The following SIRPD variants were observed in gnomAD, a reference collection of about 807,000 sequenced individuals.
The protein encoded by SIRPD is signal regulatory protein delta.
In SIRPD, 21 loss-of-function variants were observed where a neutral mutation model predicts 18.0. That is an observed-to-expected ratio of 1.17 (90% CI 0.83 to 1.68). The LOEUF (loss-of-function observed/expected upper bound fraction) is 1.68, where lower values mean the gene tolerates loss of function less well. Ranked by LOEUF, SIRPD falls within the 40% of genes most tolerant of loss-of-function variation. The pLI is 0.00. For synonymous variants in SIRPD, 106 were observed against 92.9 expected, an observed-to-expected ratio of 1.14 and a Z score of -0.81; for missense variants, 295 against 238.4, an observed-to-expected ratio of 1.24 and a Z score of -1.56.
intron 2 of SIRPD, chr20:1,540,147 A>G: frequency 2.8e-6 from 1 of 352,376 alleles, no homozygotes; most frequent in Non-Finnish European, 5.6e-6. Context: ...AGAGAGATTT[A>G]AAGACACTGG....
intron 2 of SIRPD, among the ~76,000 whole-genome samples, chr20:1,542,489 G>T (rs763916583): frequency 6.6e-6 from 1 of 152,136 alleles, no homozygotes; most frequent in Non-Finnish European, 1.5e-5. Context: ...TATTGATTTT[G>T]TATCCTGAGA....
Position 1,551,774 on chromosome 20 carries a change from C to T in SIRPD, c.338G>A (p.Gly113Asp), listed in dbSNP as rs761235171. Residue 113 changes from glycine (G) to aspartate (D), a missense_variant, in exon 2 of 4, where the codon GGC (glycine) becomes GAC (aspartate). By Grantham distance (94) the Gly-to-Asp change is moderately conservative (BLOSUM62 -1). Transcript: ENST00000381623. ...RIREISLADAGTYYCVKFIKG... is the reference protein window; with the variant it reads ...RIREISLADADTYYCVKFIKG... ...TATGAACTTCACGCAGTAATAGGTG[C>T]CAGCATCAGCAAGAGAGATTTCACG... 3 of 1,614,028 alleles carry T rather than the reference C, an allele frequency of 1.9e-6. No individual in the cohort carries two copies. Among genetic ancestry groups the T allele is most frequent in the Non-Finnish European group, 8.5e-7 (1 of 1,179,966 alleles).
At chr20:1,546,629 A>G (rs1488104705) in intron 2 of SIRPD, among the ~76,000 whole-genome samples, 2 of 152,218 alleles carry the variant, frequency 1.3e-5, no homozygotes, top group African/African-American at 4.8e-5. Flanking sequence ...TGGGTCATAT[A>G]GTAACTTATG....
intron 2 of SIRPD, among the ~76,000 whole-genome samples, chr20:1,544,899 T>C (rs557678829): frequency 1.3e-5 from 2 of 152,216 alleles, no homozygotes; most frequent in Non-Finnish European, 2.9e-5. Flanking sequence ...GATATGAAAT[T>C]CTGGGTTGAA....
intron 1 of SIRPD, among the ~76,000 whole-genome samples, chr20:1,552,688 A>G (rs1808594111): frequency 6.6e-6 from 1 of 152,078 alleles, no homozygotes; most frequent in Non-Finnish European, 1.5e-5. Flanking sequence ...ACCCTCCTAC[A>G]CAGTCATCAT....
rs73569180 is a variant in SIRPD, at chr20:1,552,508, A to G, written c.74-470T>C. 9.1e-3 allele frequency among the ~76,000 whole-genome samples: 1,388 copies of G among 152,240 alleles called. 22 individuals are homozygous for G. The highest frequency in any genetic ancestry group is 0.033 in the African/African-American group (1,354 of 41,526). ...TACAGAAATTCATGCTGAGAGATGC[A>G]CAGAAGAAGTTAAAACAATTAAAGA... On this transcript the variant is annotated intron_variant, in intron 1 of 3. Coordinates refer to ENST00000381623, the MANE Select transcript of SIRPD (RefSeq NM_178460.3).
intron 2 of SIRPD, among the ~76,000 whole-genome samples, chr20:1,543,560 TA>T (rs934741419): frequency 2.6e-5 from 4 of 152,164 alleles, no homozygotes; most frequent in South Asian, 2.1e-4. Context: ...GTTAATGTTT[TA>T]AAAAAAACAG....
In SIRPD at chr20:1,537,393, C is replaced by A. The variant is rs926996651; in HGVS notation, c.422-83G>T. 3.0e-5 allele frequency: 43 copies of A among 1,421,340 alleles called. 1 individual carries two copies. Among genetic ancestry groups the A allele is most frequent in the South Asian group, 1.4e-4 (11 of 78,432 alleles). 88.0% of individuals were successfully genotyped at this position (1,421,340 alleles called of 1,614,324 possible). A position where few individuals can be genotyped will look rare whatever the true frequency, so the allele number is the denominator to read the frequency against. On this transcript the variant is annotated intron_variant, in intron 2 of 3. Coordinates refer to ENST00000381623, the MANE Select transcript of SIRPD (RefSeq NM_178460.3). ...GAGGAAAGGGCTGTAGGATTATGAC[C>A]GTTCCAGTTTCTAGATTGTGAAATA...
intron 2 of SIRPD, among the ~76,000 whole-genome samples, chr20:1,542,788 C>G (rs1046552618): frequency 1.3e-5 from 2 of 152,072 alleles, no homozygotes; most frequent in Admixed American, 6.6e-5. Flanking sequence ...ATAGCTCTTA[C>G]TATTTTGAGC....
intron 1 of SIRPD, among the ~76,000 whole-genome samples, chr20:1,555,791 A>G (rs1363160164): frequency 6.6e-6 from 1 of 152,236 alleles, no homozygotes; most frequent in African/African-American, 2.4e-5. Flanking sequence ...GCTGAATACA[A>G]CACATATTAA....
chr20:1,544,452 TTG>T lies in SIRPD; in HGVS notation c.422-7144_422-7143del, dbSNP rs1350804590. ...TGCAACAACTGCTTTTTTTTTTTTTTTGCTTTCCATTTGCTTGGTAGATCTTC... is the reference window on the plus strand; with the variant it reads ...TGCAACAACTGCTTTTTTTTTTTTTTCTTTCCATTTGCTTGGTAGATCTTC... On this transcript the variant is annotated intron_variant, in intron 2 of 3. Coordinates refer to ENST00000381623, the MANE Select transcript of SIRPD (RefSeq NM_178460.3). Among the ~76,000 whole-genome samples the T allele has an allele frequency of 6.9e-3, 931 of 135,538 alleles. 20 individuals are homozygous for T. Among genetic ancestry groups the T allele is most frequent in the Admixed American group, 0.049 (689 of 13,976 alleles). 88.9% of individuals were successfully genotyped at this position (135,538 alleles called of 152,430 possible). A position where few individuals can be genotyped will look rare whatever the true frequency, so the allele number is the denominator to read the frequency against.
At chr20:1,537,375 G>A in intron 2 of SIRPD, 65 bp from the exon 3 acceptor site, 1 of 1,527,570 alleles carries the variant, frequency 6.5e-7, no homozygotes. Context: ...TGGGAGGAAA[G>A]GGCTGTAGGA....
chr20:1,539,791 C>A (rs1482670132), intron 2 of SIRPD, among the ~76,000 whole-genome samples: 1 of 152,174 alleles, frequency 6.6e-6, no homozygotes, highest in Non-Finnish European at 1.5e-5. Flanking sequence ...TATGGAGAAG[C>A]CCATGTAGCA....
chr20:1,541,425 A>G (rs1400119685), intron 2 of SIRPD, among the ~76,000 whole-genome samples: 1 of 152,222 alleles, frequency 6.6e-6, no homozygotes, highest in East Asian at 1.9e-4. Flanking sequence ...TGTTGGCTGC[A>G]TAAATGTCTT....
intron 3 of SIRPD, among the ~76,000 whole-genome samples, chr20:1,536,846 G>A (rs1168779315): frequency 6.6e-6 from 1 of 152,044 alleles, no homozygotes; most frequent in Non-Finnish European, 1.5e-5. Flanking sequence ...CTAGGGGGTC[G>A]TGGAACCTTC....
chr20:1,546,062 C>A (rs1388133700), intron 2 of SIRPD, among the ~76,000 whole-genome samples: 1 of 152,212 alleles, frequency 6.6e-6, no homozygotes, highest in African/African-American at 2.4e-5. Flanking sequence ...TCGACCCCTG[C>A]TGGGAGGTGT....
chr20:1,552,072 CCT>C, intron 1 of SIRPD, 34 bp from the exon 2 acceptor site: 1 of 1,579,686 alleles, frequency 6.3e-7, no homozygotes, highest in Non-Finnish European at 8.7e-7. Context: ...TCTCATTTCC[CCT>C]GTTCTGGCTT....
intron 1 of SIRPD, chr20:1,554,369 C>T (rs1158004383): frequency 1.3e-5 from 2 of 152,440 alleles, no homozygotes; most frequent in African/African-American, 4.8e-5. Context: ...GGTTATAGGT[C>T]AAGGTGGGAT....
intron 2 of SIRPD, among the ~76,000 whole-genome samples, chr20:1,548,766 C>T (rs2091005595): frequency 6.6e-6 from 1 of 151,812 alleles, no homozygotes; most frequent in South Asian, 2.1e-4. Flanking sequence ...TCATAGTATT[C>T]TTTAATATTC....
Sources: gnomAD v4.1 joint callset for allele counts (sites outside exome capture counted in the v4.1 genomes callset) on GRCh38, gnomAD v4.1.1 for gene constraint, MANE v1.5 for transcripts, NCBI Gene and HGNC (gene_info 2026-07-23, HGNC 2026-07-21) for gene names.